Variants in SHANK2 observed in about 807,000 individuals in gnomAD.
SHANK2 encodes the protein SH3 and multiple ankyrin repeat domains 2.
In SHANK2, 43 loss-of-function variants were observed where a neutral mutation model predicts 133.7. The observed-to-expected ratio is 0.32, with a 90% CI of 0.25 to 0.41. The LOEUF is 0.41. SHANK2 is among the 10% of genes least tolerant of loss of function. The probability of loss-of-function intolerance (pLI) is 1.00; values close to 1 mark genes in which losing one functional copy is unlikely to be tolerated. For missense variants in SHANK2, 1,994 were observed against 2,235.8 expected (o/e 0.89, Z 2.18); for synonymous variants, 1,017 against 952.8 (o/e 1.07, Z -1.24).
At chr11:71,058,381 C>A (rs1456550446) in intron 9 of SHANK2, among the ~76,000 whole-genome samples, 1 of 152,168 alleles carries the variant, frequency 6.6e-6, no homozygotes, top group Non-Finnish European at 1.5e-5. Context: ...TAAAAGGCAG[C>A]AGCAGAATGT....
chr11:70,507,773 C>T (rs539895522), intron 17 of SHANK2, among the ~76,000 whole-genome samples: 1 of 152,206 alleles, frequency 6.6e-6, no homozygotes, highest in Non-Finnish European at 1.5e-5. Context: ...GAAACCACAT[C>T]GTTTCCATCA....
intron 8 of SHANK2, among the ~76,000 whole-genome samples, chr11:71,080,033 A>T (rs1951277112): frequency 6.6e-6 from 1 of 152,114 alleles, no homozygotes; most frequent in African/African-American, 2.4e-5. Context: ...GAAGGAATTC[A>T]TCCTCCCACA....
chr11:70,744,203 G>A (rs1336459399), intron 14 of SHANK2, among the ~76,000 whole-genome samples: 3 of 152,256 alleles, frequency 2.0e-5, no homozygotes, highest in Admixed American at 2.0e-4. Flanking sequence ...CACCCCCATG[G>A]CCGAGGCTTT....
In SHANK2 at chr11:70,807,118, G is replaced by C. The variant is rs1565329989; in HGVS notation, c.1547C>G (p.Pro516Arg). Reference protein sequence around the residue: ...NKDSLSAFEYPGPKRKLYSAV... With the variant: ...NKDSLSAFEYRGPKRKLYSAV... ...ACTGTAGAGCTTCCGCTTGGGCCCC[G>C]GGTACTCGAAGGCCGAGAGTGAGTC... The change falls in exon 13 of 26, where the codon CCG (proline) becomes CGG (arginine). Residue 516 changes from proline (P) to arginine (R), a missense_variant. Coordinates refer to ENST00000601538, the MANE Select transcript of SHANK2 (RefSeq NM_012309.5). This position sits in a 1 kb window ranked among gnomAD's most constrained non-coding sequence, Gnocchi z 4.8. The C allele has an allele frequency of 1.1e-5, 8 of 717,910 alleles. No homozygotes were observed. Among genetic ancestry groups the C allele is most frequent in the Non-Finnish European group, 1.8e-5 (7 of 385,004 alleles). The allele number at this position is 717,910 out of a possible 1,614,324, so 44.5% of individuals were successfully genotyped here. A position where few individuals can be genotyped will look rare whatever the true frequency, so the allele number is the denominator to read the frequency against.
chr11:70,598,308 C>T (rs2060429010), intron 17 of SHANK2, among the ~76,000 whole-genome samples: 1 of 152,154 alleles, frequency 6.6e-6, no homozygotes, highest in South Asian at 2.1e-4. Context: ...GAAATGGAGG[C>T]TTGGCAGGGA....
intron 17 of SHANK2, among the ~76,000 whole-genome samples, chr11:70,528,175 C>T (rs554248948): frequency 6.6e-6 from 1 of 152,362 alleles, no homozygotes; most frequent in East Asian, 1.9e-4. Context: ...AGCTGAGGAT[C>T]TGGCAGGCCG....
chr11:70,948,602 T>C (rs1482468596), intron 10 of SHANK2, among the ~76,000 whole-genome samples: 13 of 152,248 alleles, frequency 8.5e-5, no homozygotes, highest in African/African-American at 2.9e-4. Flanking sequence ...AATGACTGAC[T>C]CCGCCAACTG....
Position 70,473,176 on chromosome 11 carries a change from G to C in SHANK2, c.5243C>G (p.Pro1748Arg). 6.2e-7 allele frequency: 1 copy of C among 1,613,698 alleles called. No individual in the cohort carries two copies. Among genetic ancestry groups the C allele is most frequent in the Non-Finnish European group, 8.5e-7 (1 of 1,179,564 alleles). Reference protein sequence around the residue: ...SDVFSLPSQPPSGDLFGLNPA... With the variant: ...SDVFSLPSQPRSGDLFGLNPA... The stretch of plus-strand genomic sequence containing the variant: ...GTTCAAGCCAAATAGATCCCCAGAA[G>C]GGGGCTGGCTTGGAAGGCTAAAGAC... Residue 1748 changes from proline (P) to arginine (R), a missense_variant, in exon 26 of 26, where the codon CCT becomes CGT. Transcript: ENST00000601538. The surrounding 1 kb of genome is among the most constrained non-coding windows in gnomAD (Gnocchi z 5.9).
At chr11:71,057,999 G>A (rs1194251488) in intron 9 of SHANK2, among the ~76,000 whole-genome samples, 1 of 137,380 alleles carries the variant, frequency 7.3e-6, no homozygotes, top group Non-Finnish European at 1.5e-5. Context: ...CAGCAGCCTC[G>A]ACCTCCCACC....
chr11:70,679,959 G>C (rs1565236300), intron 15 of SHANK2, among the ~76,000 whole-genome samples: 4 of 152,218 alleles, frequency 2.6e-5, no homozygotes, highest in Non-Finnish European at 4.4e-5. Flanking sequence ...CACTGTGACT[G>C]GAAATGACTT....
chr11:70,469,623 C>T lies in SHANK2; in HGVS notation c.*3246G>A, dbSNP rs1357516309. 3 of 149,616 alleles carry T rather than the reference C, an allele frequency of 2.0e-5. No individual in the cohort carries two copies. Among genetic ancestry groups the T allele is most frequent in the Admixed American group, 6.7e-5 (1 of 14,976 alleles). The allele number at this position is 149,616 out of a possible 1,614,324, so 9.3% of individuals were successfully genotyped here. On this transcript the variant is annotated 3_prime_UTR_variant, in exon 26 of 26. Coordinates refer to ENST00000601538, the MANE Select transcript of SHANK2 (RefSeq NM_012309.5). ...TTGTTACACAAACTATAGTGTGAAA[C>T]ATATTAGTATTTAAAAAACAAAAAA...
intron 17 of SHANK2, among the ~76,000 whole-genome samples, chr11:70,568,279 C>A (rs1554982321): frequency 6.6e-6 from 1 of 152,200 alleles, no homozygotes; most frequent in Non-Finnish European, 1.5e-5. Flanking sequence ...CAGGAAGAAT[C>A]TTCACTTCCT....
At chr11:70,757,539 G>A (rs1028757062) in intron 14 of SHANK2, among the ~76,000 whole-genome samples, 5 of 152,248 alleles carry the variant, frequency 3.3e-5, no homozygotes, top group Non-Finnish European at 5.9e-5. Context: ...TCCAGAAGTC[G>A]GGAATTGTGG....
At chr11:70,684,154 C>T (rs1391678965) in intron 15 of SHANK2, among the ~76,000 whole-genome samples, 1 of 152,134 alleles carries the variant, frequency 6.6e-6, no homozygotes, top group Non-Finnish European at 1.5e-5. Context: ...CCCTGCTACT[C>T]ACTCTTCATA....
At chr11:70,799,447 G>A (rs539684696) in intron 13 of SHANK2, among the ~76,000 whole-genome samples, 1 of 152,256 alleles carries the variant, frequency 6.6e-6, no homozygotes, top group Non-Finnish European at 1.5e-5. Flanking sequence ...GGATGGGCGA[G>A]CAGCTCACGA....
chr11:70,893,457 C>T (rs1268821450), intron 11 of SHANK2, among the ~76,000 whole-genome samples: 6 of 152,230 alleles, frequency 3.9e-5, no homozygotes, highest in African/African-American at 1.4e-4. Context: ...TTCAGGATTT[C>T]ACAACAGATT....
chr11:70,943,907 C>T (rs541615366), intron 10 of SHANK2: 1 of 456,376 alleles, frequency 2.2e-6, no homozygotes, highest in East Asian at 7.0e-5. Flanking sequence ...AACATCTGAT[C>T]ATCCGTCTTG....
chr11:71,057,355 C>CA (rs1309731353), intron 9 of SHANK2, among the ~76,000 whole-genome samples: 12 of 151,394 alleles, frequency 7.9e-5, no homozygotes, highest in Admixed American at 1.3e-4. Context: ...AACAAACAAA[C>CA]AAAAAAAACA....
intron 3 of SHANK2, among the ~76,000 whole-genome samples, chr11:71,120,998 C>G (rs1280798252): frequency 1.3e-5 from 2 of 152,264 alleles, no homozygotes; most frequent in African/African-American, 4.8e-5. Flanking sequence ...CATTTGTGGA[C>G]AGGGTGGGGA....
Sources: gnomAD v4.1 joint callset for allele counts (sites outside exome capture counted in the v4.1 genomes callset) on GRCh38, gnomAD v4.1.1 for gene constraint, Gnocchi (gnomAD v3.1) non-coding constraint, MANE v1.5 for transcripts, NCBI Gene and HGNC (gene_info 2026-07-23, HGNC 2026-07-21) for gene names.